The following SLX4IP variants were observed in gnomAD, a reference collection of about 807,000 sequenced individuals.
SLX4IP encodes the protein SLX4 interacting protein, also known as protein SLX4IP.
Under a neutral mutation model 32.9 loss-of-function variants are expected in SLX4IP, and 34 were observed. The ratio of observed to expected loss-of-function variants is 1.03; its 90% CI spans 0.79 to 1.38. The LOEUF (loss-of-function observed/expected upper bound fraction) is 1.38. Ranked by LOEUF, SLX4IP falls within the 40% of genes most tolerant of loss-of-function variation. The pLI, the probability that SLX4IP is intolerant of heterozygous loss-of-function variation, is 0.00. For missense variants in SLX4IP, 444 were observed against 479.0 expected (o/e 0.93, Z 0.68); for synonymous variants, 172 against 171.7 (o/e 1.00, Z -0.01).
At chr20:10,475,948 T>C (rs889367192) in intron 2 of SLX4IP, among the ~76,000 whole-genome samples, 8 of 152,172 alleles carry the variant, frequency 5.3e-5, no homozygotes, top group Non-Finnish European at 1.0e-4. Flanking sequence ...CAGAACATAG[T>C]AATGAGCACT....
At chr20:10,609,353 G>A (rs1015024947) in intron 6 of SLX4IP, among the ~76,000 whole-genome samples, 3 of 152,174 alleles carry the variant, frequency 2.0e-5, no homozygotes, top group South Asian at 2.1e-4. Context: ...GTGTCATAAC[G>A]GGATGAGGTT....
At chr20:10,601,612 G>T in intron 5 of SLX4IP, 119 bp from the exon 6 acceptor site, 1 of 746,882 alleles carries the variant, frequency 1.3e-6, no homozygotes, top group Non-Finnish European at 2.3e-6. Flanking sequence ...GAGAAGAGAC[G>T]TATGTTTTAT....
At chr20:10,523,374 G>A (rs937306141) in intron 2 of SLX4IP, among the ~76,000 whole-genome samples, 1 of 152,086 alleles carries the variant, frequency 6.6e-6, no homozygotes, top group African/African-American at 2.4e-5. Flanking sequence ...ACACTTAACT[G>A]GTTTTCATGA....
chr20:10,500,276 C>T (rs1415325188), intron 2 of SLX4IP, among the ~76,000 whole-genome samples: 9 of 151,700 alleles, frequency 5.9e-5, no homozygotes, highest in African/African-American at 9.7e-5. Flanking sequence ...TACAGGTGCC[C>T]GCCACCACAC....
chr20:10,526,710 G>A (rs2065943058), intron 2 of SLX4IP, among the ~76,000 whole-genome samples: 1 of 152,198 alleles, frequency 6.6e-6, no homozygotes, highest in Non-Finnish European at 1.5e-5. Context: ...CAGCACTTTG[G>A]GAGGCTGAGG....
intron 2 of SLX4IP, among the ~76,000 whole-genome samples, chr20:10,484,532 G>C (rs1291670759): frequency 6.6e-6 from 1 of 152,036 alleles, no homozygotes; most frequent in Non-Finnish European, 1.5e-5. Flanking sequence ...CTCTCTGCTT[G>C]TCACTGTGTG....
At chr20:10,485,035 A>C (rs2065560291) in intron 2 of SLX4IP, among the ~76,000 whole-genome samples, 1 of 152,076 alleles carries the variant, frequency 6.6e-6, no homozygotes, top group African/African-American at 2.4e-5. Context: ...CCTGGGAAAC[A>C]GAGTTGGATG....
intron 3 of SLX4IP, among the ~76,000 whole-genome samples, chr20:10,559,718 A>G (rs2066309499): frequency 6.6e-6 from 1 of 152,238 alleles, no homozygotes; most frequent in African/African-American, 2.4e-5. Context: ...CACCAAAACA[A>G]TAAAACAATT....
intron 2 of SLX4IP, among the ~76,000 whole-genome samples, chr20:10,523,861 CTTAT>C (rs1170247344): frequency 2.0e-5 from 3 of 152,242 alleles, no homozygotes; most frequent in South Asian, 4.1e-4. Flanking sequence ...CAACCAAATT[CTTAT>C]TTGAGTCTAT....
intron 6 of SLX4IP, among the ~76,000 whole-genome samples, chr20:10,604,867 T>C (rs1255844157): frequency 6.6e-6 from 1 of 152,258 alleles, no homozygotes; most frequent in Non-Finnish European, 1.5e-5. Context: ...TAAAAACTCT[T>C]GTAGCCTCAG....
intron 4 of SLX4IP, among the ~76,000 whole-genome samples, chr20:10,592,946 GTATAT>G (rs2066729575): frequency 1.3e-5 from 2 of 152,122 alleles, no homozygotes; most frequent in African/African-American, 2.4e-5. Context: ...CATCTTTTAA[GTATAT>G]TATATGTTCC....
intron 7 of SLX4IP, among the ~76,000 whole-genome samples, 173 bp from the exon 8 acceptor site, chr20:10,622,486 C>G (rs2067122782): frequency 6.6e-6 from 1 of 152,196 alleles, no homozygotes; most frequent in Non-Finnish European, 1.5e-5. Flanking sequence ...TTGATTCAGT[C>G]TGCATTTAAA....
At chr20:10,460,662 C>T (rs943335340) in intron 2 of SLX4IP, among the ~76,000 whole-genome samples, 1 of 152,188 alleles carries the variant, frequency 6.6e-6, no homozygotes, top group Non-Finnish European at 1.5e-5. Context: ...GCAGACATCT[C>T]AGATGCCACT....
chr20:10,549,608 A>G (rs2066198803), intron 2 of SLX4IP, among the ~76,000 whole-genome samples: 1 of 152,226 alleles, frequency 6.6e-6, no homozygotes, highest in African/African-American at 2.4e-5. Flanking sequence ...GTAGCCTTCC[A>G]CAGGGGTTAA....
intron 6 of SLX4IP, among the ~76,000 whole-genome samples, chr20:10,606,205 A>G (rs1415857035): frequency 6.6e-6 from 1 of 152,236 alleles, no homozygotes; most frequent in African/African-American, 2.4e-5. Flanking sequence ...CTTCCAGGGT[A>G]GTTATATTTG....
intron 2 of SLX4IP, among the ~76,000 whole-genome samples, chr20:10,507,772 AT>A (rs2065771618): frequency 1.3e-5 from 2 of 152,140 alleles, no homozygotes; most frequent in South Asian, 4.2e-4. Context: ...CAAGAATAAT[AT>A]AACAGCACTT....
At chr20:10,496,741 A>G (rs2065671668) in intron 2 of SLX4IP, among the ~76,000 whole-genome samples, 1 of 152,094 alleles carries the variant, frequency 6.6e-6, no homozygotes, top group Non-Finnish European at 1.5e-5. Flanking sequence ...GTAGCACCCA[A>G]GGGGCTTTTG....
intron 2 of SLX4IP, among the ~76,000 whole-genome samples, chr20:10,474,498 C>T (rs1055138038): frequency 6.6e-6 from 1 of 152,104 alleles, no homozygotes; most frequent in Admixed American, 6.6e-5. Context: ...TCCTAGACCC[C>T]CTTCCCTTCT....
At chr20:10,460,330 G>A (rs559886317) in intron 2 of SLX4IP, among the ~76,000 whole-genome samples, 9 of 152,232 alleles carry the variant, frequency 5.9e-5, no homozygotes, top group East Asian at 5.8e-4. Context: ...CTTGAAACAC[G>A]AACCATTTTA....
Sources: allele counts gnomAD v4.1 joint callset (sites outside exome capture counted in the v4.1 genomes callset), GRCh38; gene constraint gnomAD v4.1.1; transcripts MANE v1.5; gene names NCBI Gene and HGNC (gene_info 2026-07-23, HGNC 2026-07-21).